HUWE1: variants seen among roughly 807,000 people sequenced by gnomAD.
The protein encoded by HUWE1 is HECT, UBA and WWE domain containing E3 ubiquitin protein ligase 1.
In HUWE1, 18 loss-of-function variants were observed where a neutral mutation model predicts 299.4. The observed-to-expected ratio is 0.06, with a 90% CI of 0.04 to 0.09. HUWE1 has a LOEUF of 0.09. Ranked by LOEUF, HUWE1 falls within the 10% of genes least tolerant of loss-of-function variation. HUWE1 has a pLI of 1.00. For synonymous variants in HUWE1, 1,317 were observed against 1,286.1 expected (o/e 1.02, Z -0.51); for missense variants, 1,832 against 3,462.3 (o/e 0.53, Z 11.82).
intron 81 of HUWE1, among the ~76,000 whole-genome samples, chrX:53,535,142 C>G (rs781977111): frequency 9.0e-6 from 1 of 111,128 alleles, no homozygotes; most frequent in East Asian, 2.8e-4. Flanking sequence ...ACCATGTTGG[C>G]CAGGCTGGTC....
chrX:53,631,215 C>CATGA (rs782348511), intron 11 of HUWE1, among the ~76,000 whole-genome samples, 181 bp from the exon 12 acceptor site: 2 of 111,715 alleles, frequency 1.8e-5, no homozygotes, highest in Non-Finnish European at 3.8e-5. Flanking sequence ...TCCTCAAACT[C>CATGA]TCATAAGGCC....
intron 19 of HUWE1, among the ~76,000 whole-genome samples, chrX:53,618,705 C>T (rs1212141884): frequency 1.8e-5 from 2 of 109,203 alleles, no homozygotes; most frequent in African/African-American, 6.7e-5. Flanking sequence ...GTTGGGATTA[C>T]AGGCACCCAA....
rs782456004 is a variant in HUWE1 at position 53,627,826 on chromosome X, G to C, written c.1296C>G (p.Ala432=). The change falls in exon 16 of 84, where the codon GCC becomes GCG. Residue 432 remains alanine, a synonymous_variant. Transcript: ENST00000262854. ...EQDQITFVTR[A]VRVVDLITNL... is the part of the protein sequence containing the mutation. ...TGGTGATAAGGTCAACCACTCTGAC[G>C]GCTCTGGTGACAAATGTTATCTGGT... 6.6e-6 allele frequency: 8 copies of C among 1,207,744 alleles called. No individual in the cohort carries two copies. The highest frequency in any genetic ancestry group is 2.2e-5 in the Admixed American group (1 of 46,032).
chrX:53,549,057 C>T lies in HUWE1; in HGVS notation c.9937G>A (p.Glu3313Lys). 8.3e-7 allele frequency: 1 copy of T among 1,211,121 alleles called. No homozygotes were observed. The highest frequency in any genetic ancestry group is 1.1e-6 in the Non-Finnish European group (1 of 895,041). ...IQRSGGRKHT[E>K]KHASGGSTVH... The stretch of plus-strand genomic sequence containing the variant: ...GTGGAGCCACCGCTTGCATGCTTCT[C>T]GGTATGTTTACGCCCCCCTGAACGC... The change falls in exon 67 of 84, where the codon GAG (glutamate) becomes AAG (lysine). Residue 3313 changes from glutamate (E) to lysine (K), a missense_variant. Coordinates refer to ENST00000262854, the MANE Select transcript of HUWE1 (RefSeq NM_031407.7).
At position 53,550,896 on chromosome X, in the gene HUWE1, T is replaced by C. The variant is rs1490447382; in HGVS notation, c.9385+5A>G. ...CAGAGCCCTCCCACTTGCCTCCCTCTGTACCCGGGCTTCGGAGAATAGCAG... is the reference window on the plus strand; with the variant it reads ...CAGAGCCCTCCCACTTGCCTCCCTCCGTACCCGGGCTTCGGAGAATAGCAG... On this transcript the variant is annotated splice_donor_5th_base_variant and intron_variant, in intron 65 of 83. Coordinates refer to ENST00000262854, the MANE Select transcript of HUWE1 (RefSeq NM_031407.7). 7 of 1,210,058 alleles carry C rather than the reference T, an allele frequency of 5.8e-6. No homozygotes were observed. Among genetic ancestry groups the C allele is most frequent in the Non-Finnish European group, 7.8e-6 (7 of 895,114 alleles).
At chrX:53,624,422 G>A (rs970622329) in intron 19 of HUWE1, among the ~76,000 whole-genome samples, 173 bp downstream of exon 19, 12 of 112,078 alleles carry the variant, frequency 1.1e-4, no homozygotes, top group Non-Finnish European at 2.1e-4. Flanking sequence ...GCTTTAACCC[G>A]GGAGGCAGAG....
chrX:53,683,845 T>TGGGGGGGGGGGGGGGGGGGGG, intron 2 of HUWE1: 3 of 191,733 alleles, frequency 1.6e-5, no homozygotes, highest in East Asian at 8.3e-5. Context: ...CCCTAGTCAC[T>TGGGGGGGGGGGGGGGGGGGGG]GCCCCCCCAC....
rs1307701513 is a variant in HUWE1 at position 53,686,336 on chromosome X, T to C, written c.-229A>G. ...GCAGCTGCCGGGCTGCCCCCGAAGA[T>C]GCGGCTAGCTCTCCGCTGGCGCCTG... On this transcript the variant is annotated 5_prime_UTR_variant, in exon 2 of 84. Transcript: ENST00000262854. 8.9e-6 allele frequency: 1 copy of C among 112,944 alleles called. No individual in the cohort carries two copies. Among genetic ancestry groups the C allele is most frequent in the Non-Finnish European group, 1.9e-5 (1 of 53,185 alleles). The allele number at this position is 112,944 out of a possible 1,213,427, so 9.3% of individuals were successfully genotyped here.
intron 55 of HUWE1, 79 bp downstream of exon 55, chrX:53,561,677 T>C: frequency 1.7e-6 from 2 of 1,197,137 alleles, no homozygotes; most frequent in Non-Finnish European, 2.3e-6. Context: ...TCGGATCGGT[T>C]TGGTCCACTG....
Position 53,559,022 on chromosome X carries a change from T to C in HUWE1, c.7954A>G (p.Thr2652Ala), listed in dbSNP as rs782608427. ...SSIPTALTRW[T>A]EECKVLDAES... ...GCATCGAGAACTTTGCATTCTTCTGTCCAGCGGGTCAGGGCTGTGGGGATG... is the reference window on the plus strand; with the variant it reads ...GCATCGAGAACTTTGCATTCTTCTGCCCAGCGGGTCAGGGCTGTGGGGATG... Residue 2652 changes from threonine (T) to alanine (A), a missense_variant, in exon 58 of 84, where the codon ACA becomes GCA. Thr to Ala is a moderately conservative substitution (Grantham distance 58). Transcript: ENST00000262854. 8.5e-7 allele frequency: 1 copy of C among 1,172,893 alleles called. No individual in the cohort carries two copies.
At chrX:53,550,007 C>T (rs2061703650) in intron 66 of HUWE1, among the ~76,000 whole-genome samples, 1 of 110,702 alleles carries the variant, frequency 9.0e-6, no homozygotes, top group African/African-American at 3.3e-5. Flanking sequence ...CTGCCTCAGC[C>T]TCCCAAAGTG....
chrX:53,654,187 T>C lies in HUWE1; in HGVS notation c.-24-56A>G, dbSNP rs1213363218. On this transcript the variant is annotated intron_variant, in intron 3 of 83. Transcript: ENST00000262854. ...AACTTAAAGCTACAATCTTGAGCTC[T>C]ACAAGCTTGGACACAGACAATACAG... 8.2e-6 allele frequency: 6 copies of C among 733,300 alleles called. No homozygotes were observed. In the East Asian group the frequency reaches 2.1e-4, roughly 25 times the overall value. 60.4% of individuals were successfully genotyped at this position (733,300 alleles called of 1,213,427 possible).
chrX:53,631,339 T>C (rs1557022569), intron 11 of HUWE1, 75 bp downstream of exon 11: 1 of 813,656 alleles, frequency 1.2e-6, no homozygotes, highest in African/African-American at 2.0e-5. Context: ...CTATGCAATC[T>C]CCCACCCCAG....
Position 53,634,222 on chromosome X carries a change from A to C in HUWE1, c.567+14T>G. On this transcript the variant is annotated intron_variant, in intron 8 of 83. Transcript: ENST00000262854. ...CTCTGTCAAAAGACACCCATATCCC[A>C]AAGAGTTACTTACCATCATATGCAA... 1 of 1,180,995 alleles carries C rather than the reference A, an allele frequency of 8.5e-7. No individual in the cohort carries two copies. Among genetic ancestry groups the C allele is most frequent in the Admixed American group, 2.2e-5 (1 of 46,018 alleles).
intron 36 of HUWE1, among the ~76,000 whole-genome samples, chrX:53,589,032 G>C (rs2064009582): frequency 8.9e-6 from 1 of 112,505 alleles, no homozygotes; most frequent in South Asian, 3.6e-4. Context: ...CCTGCTTCTA[G>C]AATGAAACAT....
chrX:53,537,673 C>T lies in HUWE1; in HGVS notation c.12020G>A (p.Arg4007His), dbSNP rs1556914313. 3.3e-6 allele frequency: 4 copies of T among 1,207,002 alleles called. No homozygotes were observed. Among genetic ancestry groups the T allele is most frequent in the South Asian group, 1.8e-5 (1 of 56,102 alleles). ...TTCTTTCCGGAGCCCCTCATCTAAA[C>T]GCTCCAGCTCTTGGCGGAAATATCT... ...KRKYFRQELE[R>H]LDEGLRKEDM... The change falls in exon 78 of 84, where the codon CGT becomes CAT. Residue 4007 changes from arginine (R) to histidine (H), a missense_variant. Around this residue, in one of 15 missense-constraint regions of HUWE1, gnomAD observed 129 missense variants for 439.4 expected, o/e 0.29. Coordinates refer to ENST00000262854, the MANE Select transcript of HUWE1 (RefSeq NM_031407.7).
At chrX:53,674,185 T>G (rs1362037416) in intron 3 of HUWE1, among the ~76,000 whole-genome samples, 6 of 111,874 alleles carry the variant, frequency 5.4e-5, no homozygotes, top group Non-Finnish European at 1.1e-4. Flanking sequence ...TAGTTTCCTA[T>G]TCTGGGAAAT....
intron 55 of HUWE1, 128 bp from the exon 56 acceptor site, chrX:53,560,544 T>C: frequency 1.8e-6 from 1 of 550,402 alleles, no homozygotes; most frequent in Non-Finnish European, 3.0e-6. Context: ...TTCTCCCTCA[T>C]TCCCACAACT....
At chrX:53,635,100 A>C (rs1196205665) in intron 7 of HUWE1, among the ~76,000 whole-genome samples, 1 of 110,920 alleles carries the variant, frequency 9.0e-6, no homozygotes, top group Non-Finnish European at 1.9e-5. Flanking sequence ...CATATAGTTC[A>C]GGCAAACAAT....
Sources: allele counts gnomAD v4.1 joint callset (sites outside exome capture counted in the v4.1 genomes callset), GRCh38; gene constraint gnomAD v4.1.1; regional missense constraint gnomAD v4.1.1; transcripts MANE v1.5; gene names NCBI Gene and HGNC (gene_info 2026-07-23, HGNC 2026-07-21).